Variants in POLR3A observed in about 807,000 individuals in gnomAD.
POLR3A encodes the protein RNA polymerase III subunit A, also known as DNA-directed RNA polymerase III subunit RPC1.
A neutral mutation model predicts 152.8 loss-of-function variants in POLR3A; 112 were observed. The observed-to-expected ratio is 0.73, with a 90% CI of 0.63 to 0.86. The LOEUF (loss-of-function observed/expected upper bound fraction) is 0.86, where lower values mean the gene tolerates loss of function less well. Ranked by LOEUF, POLR3A falls within the 40% of genes least tolerant of loss-of-function variation. The pLI, the probability that POLR3A is intolerant of heterozygous loss-of-function variation, is 0.00. For synonymous variants in POLR3A, 615 were observed against 652.1 expected (o/e 0.94, Z 0.87); for missense variants, 1,385 against 1,743.1 (o/e 0.79, Z 3.66).
intron 15 of POLR3A, among the ~76,000 whole-genome samples, chr10:78,005,189 C>T (rs1221249613): frequency 6.6e-6 from 1 of 152,202 alleles, no homozygotes; most frequent in Non-Finnish European, 1.5e-5. Flanking sequence ...AGCAGAGTGA[C>T]ATTAAACACT....
At chr10:77,979,566 C>A (rs1244958316) in intron 30 of POLR3A, among the ~76,000 whole-genome samples, 2 of 152,176 alleles carry the variant, frequency 1.3e-5, no homozygotes, top group Admixed American at 6.5e-5. Flanking sequence ...TGTCGAGTGG[C>A]GGGGATGAGG....
Position 77,977,657 on chromosome 10 carries a change from C to T in POLR3A, c.4025-31G>A, listed in dbSNP as rs10219086. 7,652 of 1,588,808 alleles carry T rather than the reference C, an allele frequency of 4.8e-3. 283 individuals are homozygous for T. The African/African-American group carries it at 0.084, about 18-fold the overall frequency. On this transcript the variant is annotated intron_variant, in intron 30 of 30. Transcript: ENST00000372371. ...ACCAACCAGAATGAACATCAGAGAGCCTCTAAACACAAGGTACATTTTCAC... is the reference window on the plus strand; with the variant it reads ...ACCAACCAGAATGAACATCAGAGAGTCTCTAAACACAAGGTACATTTTCAC...
intron 15 of POLR3A, 46 bp downstream of exon 15, chr10:78,007,656 C>CT: frequency 6.5e-7 from 1 of 1,547,758 alleles, no homozygotes; most frequent in Non-Finnish European, 8.9e-7. Flanking sequence ...CCTTAAGACT[C>CT]TAACAATTGC....
intron 14 of POLR3A, among the ~76,000 whole-genome samples, chr10:78,009,217 C>A (rs963776443): frequency 6.6e-6 from 1 of 151,488 alleles, no homozygotes; most frequent in Non-Finnish European, 1.5e-5. Context: ...TTTATTGCCC[C>A]CCCCGCCGCC....
intron 5 of POLR3A, among the ~76,000 whole-genome samples, chr10:78,022,988 T>C (rs1847594625): frequency 6.6e-6 from 1 of 151,878 alleles, no homozygotes; most frequent in Non-Finnish European, 1.5e-5. Flanking sequence ...CGAAACCTCG[T>C]CTCTACTAAA....
At chr10:78,014,452 T>A (rs557203505) in intron 10 of POLR3A, among the ~76,000 whole-genome samples, 1 of 152,204 alleles carries the variant, frequency 6.6e-6, no homozygotes, top group Non-Finnish European at 1.5e-5. Context: ...AGTCTCACTC[T>A]GTTGTCCTGG....
intron 14 of POLR3A, 93 bp downstream of exon 14, chr10:78,009,444 C>T: frequency 6.4e-7 from 1 of 1,557,470 alleles, no homozygotes; most frequent in Non-Finnish European, 8.9e-7. Context: ...AATGAATTTG[C>T]TTGCTTCGCG....
intron 24 of POLR3A, 52 bp from the exon 25 acceptor site, chr10:77,984,350 G>T: frequency 9.8e-7 from 1 of 1,018,338 alleles, no homozygotes; most frequent in Non-Finnish European, 1.6e-6. Context: ...GAGGCTGTTT[G>T]AGGACTACTG....
At position 77,982,666 on chromosome 10, in the gene POLR3A, T is replaced by C; in HGVS notation, c.3581A>G (p.Glu1194Gly). ...CTTCTGTTTCACCTTGGGGAGATCCTCTTTCAGGAACTGCAGCACGTAGTA... is the reference window on the plus strand; with the variant it reads ...CTTCTGTTTCACCTTGGGGAGATCCCCTTTCAGGAACTGCAGCACGTAGTA... The part of the protein sequence containing the change: ...SMYYVLQFLK[E>G]DLPKVVVQGI... Residue 1194 changes from glutamate (E) to glycine (G), a missense_variant, in exon 27 of 31, where the codon GAG becomes GGG. Glu to Gly is a moderately conservative substitution (Grantham distance 98). Around this residue, in one of 7 missense-constraint regions of POLR3A, gnomAD observed 332 missense variants for 400.1 expected, o/e 0.83. Coordinates refer to ENST00000372371, the MANE Select transcript of POLR3A (RefSeq NM_007055.4). 1 of 1,613,244 alleles carries C rather than the reference T, an allele frequency of 6.2e-7. No individual in the cohort carries two copies. The highest frequency in any genetic ancestry group is 8.5e-7 in the Non-Finnish European group (1 of 1,179,992).
At chr10:77,991,229 T>A in intron 20 of POLR3A, 62 bp from the exon 21 acceptor site, 1 of 907,552 alleles carries the variant, frequency 1.1e-6, no homozygotes, top group South Asian at 1.3e-5. Context: ...CGGTAGTAGA[T>A]GAGAGAACTT....
At chr10:78,020,456 C>T (rs1052205809) in intron 8 of POLR3A, among the ~76,000 whole-genome samples, 7 of 151,618 alleles carry the variant, frequency 4.6e-5, no homozygotes, top group African/African-American at 1.7e-4. Flanking sequence ...CACCACTGCA[C>T]TTCGGCCTGG....
chr10:78,000,202 C>T (rs1847343545), intron 18 of POLR3A, 84 bp from the exon 19 acceptor site: 1 of 1,238,080 alleles, frequency 8.1e-7, no homozygotes, highest in Admixed American at 1.9e-5. Flanking sequence ...CAGAAAATGC[C>T]CCACCTTGAG....
intron 8 of POLR3A, chr10:78,019,535 G>C (rs1847557440): frequency 2.0e-6 from 1 of 511,746 alleles, no homozygotes; most frequent in Admixed American, 3.2e-5. Context: ...TGGTAAAACG[G>C]GTAGGCTAGA....
chr10:77,999,017 T>G (rs1344049003), intron 19 of POLR3A, among the ~76,000 whole-genome samples: 2 of 152,166 alleles, frequency 1.3e-5, no homozygotes, highest in African/African-American at 4.8e-5. Flanking sequence ...TGGATGAAAC[T>G]GGAAACCATC....
At chr10:77,998,193 A>G (rs1379836653) in intron 19 of POLR3A, among the ~76,000 whole-genome samples, 1 of 152,232 alleles carries the variant, frequency 6.6e-6, no homozygotes, top group East Asian at 1.9e-4. Flanking sequence ...CTAAAACCAT[A>G]AAAACCATAG....
At chr10:78,013,519 T>C in intron 11 of POLR3A, 131 bp downstream of exon 11, 2 of 859,316 alleles carry the variant, frequency 2.3e-6, no homozygotes, top group Non-Finnish European at 2.0e-6. Flanking sequence ...AGGCAGTTAG[T>C]GGTCGGTTTA....
chr10:77,981,316 T>C (rs972343833), intron 29 of POLR3A, 112 bp downstream of exon 29: 2 of 1,038,170 alleles, frequency 1.9e-6, no homozygotes, highest in African/African-American at 3.1e-5. Flanking sequence ...TTTCTCTCTA[T>C]GATGGTCCTC....
At chr10:78,000,950 G>T (rs1412519611) in intron 18 of POLR3A, 26 bp downstream of exon 18, 2 of 1,162,706 alleles carry the variant, frequency 1.7e-6, no homozygotes, top group Admixed American at 1.7e-5. Flanking sequence ...GATCTTCACA[G>T]TTCTACCTGA....
rs772127742 is a variant in POLR3A at position 78,024,999 on chromosome 10, G to A, written c.462C>T (p.Asn154=). 5.6e-6 allele frequency: 9 copies of A among 1,614,036 alleles called. No individual in the cohort carries two copies. In the East Asian group the frequency reaches 1.8e-4, roughly 32 times the overall value. The stretch of plus-strand genomic sequence containing the variant: ...TAAAAGCGCCACAGTGATGGCAGAT[G>A]TTTTTCTTCCGGCACTTGTCAGAGA... ...KKISDKCRKK[N]ICHHCGAFNG... is the part of the protein sequence containing the mutation. Residue 154 remains asparagine (N), a synonymous_variant, in exon 4 of 31, where the codon AAC becomes AAT. Transcript: ENST00000372371.
Sources: allele counts gnomAD v4.1 joint callset (sites outside exome capture counted in the v4.1 genomes callset), GRCh38; gene constraint gnomAD v4.1.1; regional missense constraint gnomAD v4.1.1; transcripts MANE v1.5; gene names NCBI Gene and HGNC (gene_info 2026-07-23, HGNC 2026-07-21).